The following TELO2 variants were observed in gnomAD, a reference collection of about 807,000 sequenced individuals.
The protein encoded by TELO2 is telomere length regulation protein TEL2 homolog.
Under a neutral mutation model 91.0 loss-of-function variants are expected in TELO2, and 71 were observed. The observed-to-expected ratio is 0.78, with a 90% CI of 0.64 to 0.95. TELO2 has a LOEUF of 0.95. Ranked by LOEUF, TELO2 falls within the 40% of genes least tolerant of loss-of-function variation. The pLI, the probability that TELO2 is intolerant of heterozygous loss-of-function variation, is 0.00. For synonymous variants in TELO2, 584 were observed against 518.9 expected, an observed-to-expected ratio of 1.13 and a Z score of -1.71; for missense variants, 1,183 against 1,141.3, an observed-to-expected ratio of 1.04 and a Z score of -0.53.
Position 1,493,654 on chromosome 16 carries a change from G to T in TELO2, c.-37+49G>T, listed in dbSNP as rs2039377808. ...GGGATCGGGGGTCCGGTTGGGTCGG[G>T]TTGGGCTCCAGGTCTGGTTGGGTCG... is the stretch of plus-strand genomic sequence containing the variant. On this transcript the variant is annotated intron_variant, in intron 1 of 20. Transcript: ENST00000262319. This position sits in a 1 kb window ranked among gnomAD's most constrained non-coding sequence, Gnocchi z 4.3. 2.0e-5 allele frequency: 3 copies of T among 152,558 alleles called. No individual in the cohort carries two copies. In the East Asian group the frequency reaches 5.8e-4, roughly 29 times the overall value. The allele number at this position is 152,558 out of a possible 1,614,324, so 9.5% of individuals were successfully genotyped here.
Position 1,507,068 on chromosome 16 carries a change from C to T in TELO2, c.2226+17C>T, listed in dbSNP as rs754379679. On this transcript the variant is annotated intron_variant, in intron 18 of 20. Transcript: ENST00000262319. ...AACACCACGGTGAGCCGGGAGAGGTCGCCGGGCGCCGGCCTGTGCTAACCA... is the reference window on the plus strand; with the variant it reads ...AACACCACGGTGAGCCGGGAGAGGTTGCCGGGCGCCGGCCTGTGCTAACCA... 28 of 1,585,476 alleles carry T rather than the reference C, an allele frequency of 1.8e-5. No individual in the cohort carries two copies. Among genetic ancestry groups the T allele is most frequent in the South Asian group, 1.4e-4 (12 of 88,020 alleles).
Position 1,510,166 on chromosome 16 carries a change from G to C in TELO2, c.*230G>C. The C allele has an allele frequency of 3.7e-6, 2 of 539,456 alleles. No homozygotes were observed. Among genetic ancestry groups the C allele is most frequent in the Non-Finnish European group, 6.7e-6 (2 of 299,210 alleles). The allele number at this position is 539,456 out of a possible 1,614,324, so 33.4% of individuals were successfully genotyped here. ...CGCCGGGACATGGCAGCCTGGACGTGGGGCTGGGGCTGTGGGCGCTGCTGG... is the reference window on the plus strand; with the variant it reads ...CGCCGGGACATGGCAGCCTGGACGTCGGGCTGGGGCTGTGGGCGCTGCTGG... On this transcript the variant is annotated 3_prime_UTR_variant, in exon 21 of 21. Transcript: ENST00000262319.
intron 15 of TELO2, among the ~76,000 whole-genome samples, chr16:1,503,676 G>A (rs186418610): frequency 4.4e-4 from 67 of 152,316 alleles, no homozygotes; most frequent in Admixed American, 4.1e-3. Flanking sequence ...GCTAGTTCAC[G>A]GAGAGCGGAC....
At position 1,505,263 on chromosome 16, in the gene TELO2, A is replaced by T. The variant is rs1057166734; in HGVS notation, c.1843-147A>T. 2.3e-5 allele frequency: 21 copies of T among 924,744 alleles called. No homozygotes were observed. Among genetic ancestry groups the T allele is most frequent in the Non-Finnish European group, 3.0e-5 (19 of 633,884 alleles). 57.3% of individuals were successfully genotyped at this position (924,744 alleles called of 1,614,324 possible). A position where few individuals can be genotyped will look rare whatever the true frequency, so the allele number is the denominator to read the frequency against. On this transcript the variant is annotated intron_variant, in intron 15 of 20. Transcript: ENST00000262319. The surrounding 1 kb of genome is among the most constrained non-coding windows in gnomAD (Gnocchi z 4.3). ...GCGCGGTTGCTGTGAGCTACGGGGA[A>T]GTGACTTTTCTCCTTGTTCCCAGAA...
Position 1,497,478 on chromosome 16 carries a change from T to C in TELO2, c.800T>C (p.Val267Ala). The change falls in exon 5 of 21, where the codon GTG becomes GCG. Residue 267 changes from valine (V) to alanine (A), a missense_variant. Coordinates refer to ENST00000262319, the MANE Select transcript of TELO2 (RefSeq NM_016111.4). The surrounding 1 kb of genome is among the most constrained non-coding windows in gnomAD (Gnocchi z 4.0). Reference sequence around the variant, plus strand: ...GTGCCGGACCGGGCCATGGAGGCTGTGCTGACCGGGCTGGTGGAGGCCGCA... The same window carrying C: ...GTGCCGGACCGGGCCATGGAGGCTGCGCTGACCGGGCTGGTGGAGGCCGCA... ...EQVPDRAMEA[V>A]LTGLVEAALG... The C allele has an allele frequency of 6.4e-7, 1 of 1,574,522 alleles. No homozygotes were observed.
chr16:1,499,120 A>C, intron 5 of TELO2, 111 bp from the exon 6 acceptor site: 1 of 1,049,610 alleles, frequency 9.5e-7, no homozygotes, highest in Non-Finnish European at 1.4e-6. Context: ...CGTGGCTAGG[A>C]ATTGGCAGGC....
chr16:1,507,422 G>T, intron 19 of TELO2, 52 bp downstream of exon 19: 6 of 1,599,052 alleles, frequency 3.8e-6, no homozygotes, highest in Non-Finnish European at 5.1e-6. Flanking sequence ...AGACACAGGG[G>T]TCTTATTGTG....
Position 1,493,782 on chromosome 16 carries a change from T to G in TELO2, c.-37+177T>G, listed in dbSNP as rs2039383284. ...TGCGGCTCCTCTAGCCCCGAACCCG[T>G]GTTCCCCGTAAGCTGTTGGTTTCTA... On this transcript the variant is annotated intron_variant, in intron 1 of 20. Coordinates refer to ENST00000262319, the MANE Select transcript of TELO2 (RefSeq NM_016111.4). The surrounding 1 kb of genome is among the most constrained non-coding windows in gnomAD (Gnocchi z 4.3). Among the ~76,000 whole-genome samples the G allele has an allele frequency of 6.6e-6, 1 of 152,172 alleles. No individual in the cohort carries two copies. Among genetic ancestry groups the G allele is most frequent in the Non-Finnish European group, 1.5e-5 (1 of 68,016 alleles).
Position 1,501,443 on chromosome 16 carries a change from C to T in TELO2, c.1305C>T (p.Leu435=), listed in dbSNP as rs369206051. ...AGTACGAAGAGGATGAACTGAGCCT[C>T]GAGCTGCTGGCCTTGGCCTCCCCCC... ...KFQYEEDELS[L]ELLALASPQP... is the part of the protein sequence containing the mutation. The change falls in exon 10 of 21, where the codon CTC becomes CTT. Residue 435 remains leucine, a synonymous_variant. Transcript: ENST00000262319. 2.6e-5 allele frequency: 42 copies of T among 1,612,238 alleles called. No homozygotes were observed. Among genetic ancestry groups the T allele is most frequent in the African/African-American group, 1.6e-4 (12 of 74,910 alleles).
chr16:1,504,645 C>G (rs1052776319), intron 15 of TELO2, among the ~76,000 whole-genome samples: 10 of 148,160 alleles, frequency 6.7e-5, no homozygotes, highest in Non-Finnish European at 1.0e-4. Context: ...GCAAGCTCCC[C>G]CTCCCGGGTT....
chr16:1,509,006 G>C lies in TELO2; in HGVS notation c.2408-824G>C, dbSNP rs116187400. 2.1e-5 allele frequency among the ~76,000 whole-genome samples: 3 copies of C among 142,466 alleles called. No individual in the cohort carries two copies. In the South Asian group the frequency reaches 7.7e-4, roughly 37 times the overall value. 93.5% of individuals were successfully genotyped at this position (142,466 alleles called of 152,430 possible). A position where few individuals can be genotyped will look rare whatever the true frequency, so the allele number is the denominator to read the frequency against. ...CCCAACCCCTCCTCAGCATGCTGTCGCCCACTCGCCCTGCCTGGAGGAGGA... is the reference window on the plus strand; with the variant it reads ...CCCAACCCCTCCTCAGCATGCTGTCCCCCACTCGCCCTGCCTGGAGGAGGA... On this transcript the variant is annotated intron_variant, in intron 20 of 20. Coordinates refer to ENST00000262319, the MANE Select transcript of TELO2 (RefSeq NM_016111.4).
At chr16:1,507,188 C>T in intron 18 of TELO2, 118 bp from the exon 19 acceptor site, 1 of 1,496,794 alleles carries the variant, frequency 6.7e-7, no homozygotes, top group Non-Finnish European at 9.0e-7. Context: ...GGGAGCATCC[C>T]CTCGGCTGTC....
At chr16:1,500,741 G>A (rs761112712) in intron 9 of TELO2, 42 bp downstream of exon 9, 11 of 1,601,034 alleles carry the variant, frequency 6.9e-6, no homozygotes, top group African/African-American at 2.7e-5. Context: ...TGGCTGGCCC[G>A]GGTCTCCCGA....
intron 15 of TELO2, among the ~76,000 whole-genome samples, chr16:1,503,538 A>G (rs1246453004): frequency 6.6e-6 from 1 of 152,146 alleles, no homozygotes; most frequent in Non-Finnish European, 1.5e-5. Flanking sequence ...TGAGAGAGGG[A>G]GACACTGTCT....
intron 20 of TELO2, among the ~76,000 whole-genome samples, chr16:1,507,960 C>T (rs1259708245): frequency 1.4e-5 from 2 of 141,730 alleles, no homozygotes; most frequent in African/African-American, 5.5e-5. Context: ...GCAGGCCAGG[C>T]TGCCATGACT....
At chr16:1,503,645 T>C (rs1278536732) in intron 15 of TELO2, among the ~76,000 whole-genome samples, 1 of 152,192 alleles carries the variant, frequency 6.6e-6, no homozygotes, top group Non-Finnish European at 1.5e-5. Flanking sequence ...TCGATTTCAC[T>C]TAAGCGAGCC....
chr16:1,494,811 A>G lies in TELO2; in HGVS notation c.335+195A>G, dbSNP rs2039419303. On this transcript the variant is annotated intron_variant, in intron 2 of 20. Coordinates refer to ENST00000262319, the MANE Select transcript of TELO2 (RefSeq NM_016111.4). The surrounding 1 kb of genome is among the most constrained non-coding windows in gnomAD (Gnocchi z 5.6). ...ACGGGAGGCACCTGCTGTGTCTCAC[A>G]AAGTCCCCCACTTGCTCCCCGTCCG... Among the ~76,000 whole-genome samples the G allele has an allele frequency of 6.6e-6, 1 of 152,188 alleles. No homozygotes were observed. The highest frequency in any genetic ancestry group is 1.5e-5 in the Non-Finnish European group (1 of 68,032).
Position 1,497,471 on chromosome 16 carries a change from G to A in TELO2, c.793G>A (p.Glu265Lys). 1 of 1,575,564 alleles carries A rather than the reference G, an allele frequency of 6.3e-7. No individual in the cohort carries two copies. ...LVEQVPDRAMEAVLTGLVEAA... is the reference protein window; with the variant it reads ...LVEQVPDRAMKAVLTGLVEAA... ...GGAGCAAGTGCCGGACCGGGCCATGGAGGCTGTGCTGACCGGGCTGGTGGA... is the reference window on the plus strand; with the variant it reads ...GGAGCAAGTGCCGGACCGGGCCATGAAGGCTGTGCTGACCGGGCTGGTGGA... Residue 265 changes from glutamate (E) to lysine (K), a missense_variant, in exon 5 of 21, where the codon GAG (glutamate) becomes AAG (lysine). Coordinates refer to ENST00000262319, the MANE Select transcript of TELO2 (RefSeq NM_016111.4). The surrounding 1 kb of genome is among the most constrained non-coding windows in gnomAD (Gnocchi z 4.0).
In TELO2 at chr16:1,495,561, A is replaced by C; in HGVS notation, c.551A>C (p.Tyr184Ser). Residue 184 changes from tyrosine (Y) to serine (S), a missense_variant, in exon 3 of 21, where the codon TAC becomes TCC. By Grantham distance (144) the Tyr-to-Ser change is moderately radical. Transcript: ENST00000262319. Reference protein sequence around the residue: ...ENLAEFFPQNYFRLLGEEVVR... With the variant: ...ENLAEFFPQNSFRLLGEEVVR... ...TTGGCCGAGTTCTTCCCCCAGAACT[A>C]CTTCCGCCTGCTCGGCGAGGAGGTC... is the stretch of plus-strand genomic sequence containing the variant. The C allele has an allele frequency of 6.2e-7, 1 of 1,610,930 alleles. No homozygotes were observed. Among genetic ancestry groups the C allele is most frequent in the Non-Finnish European group, 8.5e-7 (1 of 1,178,908 alleles).
Sources: gnomAD v4.1 joint callset for allele counts (sites outside exome capture counted in the v4.1 genomes callset) on GRCh38, gnomAD v4.1.1 for gene constraint, Gnocchi (gnomAD v3.1) non-coding constraint, MANE v1.5 for transcripts, NCBI Gene and HGNC (gene_info 2026-07-23, HGNC 2026-07-21) for gene names.